STAT6: variants seen among roughly 807,000 people sequenced by gnomAD.
The protein encoded by STAT6 is signal transducer and activator of transcription 6.
In STAT6, 45 loss-of-function variants were observed where a neutral mutation model predicts 106.3. That is an observed-to-expected ratio of 0.42 (90% confidence interval 0.33 to 0.54). The LOEUF is 0.54. STAT6 is among the 20% of genes least tolerant of loss of function. The probability of loss-of-function intolerance (pLI) is 0.06; values close to 1 mark genes in which losing one functional copy is unlikely to be tolerated. For synonymous variants in STAT6, 413 were observed against 413.6 expected (o/e 1.00, Z 0.02); for missense variants, 797 against 1,062.2 (o/e 0.75, Z 3.47).
Position 57,104,734 on chromosome 12 carries a change from T to A in STAT6, c.1081A>T (p.Lys361Ter). 1 of 1,614,104 alleles carries A rather than the reference T, an allele frequency of 6.2e-7. No homozygotes were observed. The highest frequency in any genetic ancestry group is 8.5e-7 in the Non-Finnish European group (1 of 1,180,006). ...IPGNCCSALF[K>*]NLLLKKIKRC... Reference sequence around the variant, plus strand: ...ACCCCAAAGCCCCTCACCAGGTTCTTGAACAGGGCAGAGCAGCAGTTCCCA... The same window carrying A: ...ACCCCAAAGCCCCTCACCAGGTTCTAGAACAGGGCAGAGCAGCAGTTCCCA... Residue 361 changes from lysine (K) to a stop codon, truncating the protein, a stop_gained, in exon 10 of 22, where the codon AAG (lysine) becomes TAG (stop). Transcript: ENST00000300134. LOFTEE classifies it high-confidence loss of function.
Position 57,099,200 on chromosome 12 carries a change from A to G in STAT6, c.1891+94T>C. 2 of 1,599,416 alleles carry G rather than the reference A, an allele frequency of 1.3e-6. No individual in the cohort carries two copies. Among genetic ancestry groups the G allele is most frequent in the South Asian group, 1.1e-5 (1 of 90,670 alleles). Reference sequence around the variant, plus strand: ...GCACAGCTATGAAATAGGGAGTGACATCAGGATGACACGCGGGCAGGGAGA... The same window carrying G: ...GCACAGCTATGAAATAGGGAGTGACGTCAGGATGACACGCGGGCAGGGAGA... On this transcript the variant is annotated intron_variant, in intron 16 of 21. Coordinates refer to ENST00000300134, the MANE Select transcript of STAT6 (RefSeq NM_003153.5). This position sits in a 1 kb window ranked among gnomAD's most constrained non-coding sequence, Gnocchi z 4.7.
At chr12:57,102,212 C>T (rs1408534036) in intron 13 of STAT6, 78 bp downstream of exon 13, 2 of 1,485,364 alleles carry the variant, frequency 1.3e-6, no homozygotes. Context: ...AAGGTCCCTG[C>T]ATGGAGGCTG....
Position 57,106,715 on chromosome 12 carries a change from C to T in STAT6, c.456G>A (p.Gln152=). 6.2e-7 allele frequency: 1 copy of T among 1,614,208 alleles called. No individual in the cohort carries two copies. Among genetic ancestry groups the T allele is most frequent in the Non-Finnish European group, 8.5e-7 (1 of 1,180,038 alleles). ...GEIHLLREAL[Q]KGAEAGQVSL... ...CACCTTGGCCAGCCTCAGCCCCCTTCTGCAGGGCTTCTCGGAGAAGGTGGA... is the reference window on the plus strand; with the variant it reads ...CACCTTGGCCAGCCTCAGCCCCCTTTTGCAGGGCTTCTCGGAGAAGGTGGA... The change falls in exon 5 of 22, where the codon CAG becomes CAA. Residue 152 remains glutamine, a synonymous_variant. Coordinates refer to ENST00000300134, the MANE Select transcript of STAT6 (RefSeq NM_003153.5).
Position 57,104,787 on chromosome 12 carries a change from T to C in STAT6, c.1028A>G (p.Asn343Ser). The change falls in exon 10 of 22, where the codon AAC becomes AGC. Residue 343 changes from asparagine to serine, a missense_variant. Physicochemically the swap from Asn to Ser is conservative, Grantham distance 46 (BLOSUM62 1). This residue lies in a region of STAT6 where 336 missense variants were observed against 429.8 expected (regional missense o/e 0.78). Coordinates refer to ENST00000300134, the MANE Select transcript of STAT6 (RefSeq NM_003153.5). ...AATGCTGTTCTCCAAGGGCACAGTGTTGTTGATGATTTCTCCAGTGCTTTC... is the reference window on the plus strand; with the variant it reads ...AATGCTGTTCTCCAAGGGCACAGTGCTGTTGATGATTTCTCCAGTGCTTTC... ...GAESTGEIIN[N>S]TVPLENSIPG... The C allele has an allele frequency of 6.2e-7, 1 of 1,614,086 alleles. No homozygotes were observed. Among genetic ancestry groups the C allele is most frequent in the East Asian group, 2.2e-5 (1 of 44,878 alleles).
intron 13 of STAT6, 62 bp from the exon 14 acceptor site, chr12:57,100,152 C>T (rs2033730241): frequency 6.9e-7 from 1 of 1,446,620 alleles, no homozygotes; most frequent in African/African-American, 1.4e-5. Context: ...CTGTTTAGGG[C>T]AGGCAGTGAG....
At chr12:57,107,503 C>G in intron 3 of STAT6, 102 bp downstream of exon 3, 1 of 1,464,854 alleles carries the variant, frequency 6.8e-7, no homozygotes, top group South Asian at 1.3e-5. Flanking sequence ...ACAGGAACAC[C>G]AATTTGCTTC....
chr12:57,108,377 C>A, intron 1 of STAT6, 78 bp from the exon 2 acceptor site: 1 of 746,894 alleles, frequency 1.3e-6, no homozygotes, highest in Non-Finnish European at 2.3e-6. Context: ...AGGGACCTCC[C>A]ATAGATAGCC....
At chr12:57,100,728 AAGAAAGAAAGAAAGAAAG>A in intron 13 of STAT6, 2 of 237,846 alleles carry the variant, frequency 8.4e-6, no homozygotes, top group Non-Finnish European at 1.8e-5. Flanking sequence ...GAAAGAAAGA[AAGAAAGAAAGAAAGAAAG>A]AAAAGAAAAA....
rs912022232 is a variant in STAT6 at position 57,099,541 on chromosome 12, G to C, written c.1745-101C>G. 2.6e-6 allele frequency: 4 copies of C among 1,538,388 alleles called. No homozygotes were observed. The highest frequency in any genetic ancestry group is 3.6e-6 in the Non-Finnish European group (4 of 1,125,748). Reference sequence around the variant, plus strand: ...GTTCTCACTCCACCAAGGCAAGGGAGAGAGGACCTAGGGTGGGGCTCCTGA... The same window carrying C: ...GTTCTCACTCCACCAAGGCAAGGGACAGAGGACCTAGGGTGGGGCTCCTGA... On this transcript the variant is annotated intron_variant, in intron 15 of 21. Coordinates refer to ENST00000300134, the MANE Select transcript of STAT6 (RefSeq NM_003153.5). This position sits in a 1 kb window ranked among gnomAD's most constrained non-coding sequence, Gnocchi z 4.7.
In STAT6 at chr12:57,102,939, AG is replaced by A. The variant is rs761414120; in HGVS notation, c.1213-19del. On this transcript the variant is annotated intron_variant, in intron 11 of 21. Transcript: ENST00000300134. ...GACAGGGCCTGAAGAGGGTGAGGAC[AG>A]GGGTTTCTTTTCTTTCTTTCTTTCC... is the stretch of plus-strand genomic sequence containing the variant. 70 of 1,292,928 alleles carry A rather than the reference AG, an allele frequency of 5.4e-5. No individual in the cohort carries two copies. The highest frequency in any genetic ancestry group is 6.9e-5 in the Non-Finnish European group (66 of 958,634). The allele number at this position is 1,292,928 out of a possible 1,614,324, so 80.1% of individuals were successfully genotyped here.
intron 1 of STAT6, among the ~76,000 whole-genome samples, chr12:57,108,519 AGAGGGATGGG>A (rs1039832372): frequency 6.7e-6 from 1 of 148,380 alleles, no homozygotes; most frequent in African/African-American, 2.5e-5. Flanking sequence ...AGCTGTAGCC[AGAGGGATGGG>A]GAGGCAAAGG....
intron 13 of STAT6, among the ~76,000 whole-genome samples, chr12:57,100,626 GAGAA>G (rs1429152072): frequency 7.7e-6 from 1 of 130,212 alleles, no homozygotes; most frequent in East Asian, 2.4e-4. Flanking sequence ...AAGAAAAAGA[GAGAA>G]AGAGAAAGAG....
chr12:57,106,229 G>A lies in STAT6; in HGVS notation c.642C>T (p.Gly214=), dbSNP rs367810399. The change falls in exon 7 of 22, where the codon GGC becomes GGT. Residue 214 remains glycine, a synonymous_variant. Transcript: ENST00000300134. The part of the protein sequence containing the change: ...WKRQQQLAGN[G]APFEESLAPL... The stretch of plus-strand genomic sequence containing the variant: ...GGGCCAGGCTCTCCTCAAACGGTGC[G>A]CCATTCCCTGCCAGCTGCTGCTGCC... 7 of 1,614,112 alleles carry A rather than the reference G, an allele frequency of 4.3e-6. No homozygotes were observed. The highest frequency in any genetic ancestry group is 2.7e-5 in the African/African-American group (2 of 75,024).
In STAT6 at chr12:57,096,485, T is replaced by C. The variant is rs1373042390; in HGVS notation, c.*87A>G. 5.2e-6 allele frequency: 7 copies of C among 1,342,830 alleles called. No individual in the cohort carries two copies. The highest frequency in any genetic ancestry group is 7.1e-6 in the Non-Finnish European group (7 of 984,654). 83.2% of individuals were successfully genotyped at this position (1,342,830 alleles called of 1,614,324 possible). Reference sequence around the variant, plus strand: ...ATAGGAGGGCACCCTCCCCATCTGCTGCTTGGCAGGGCATGAGCAAGTGTC... The same window carrying C: ...ATAGGAGGGCACCCTCCCCATCTGCCGCTTGGCAGGGCATGAGCAAGTGTC... On this transcript the variant is annotated 3_prime_UTR_variant, in exon 22 of 22. Transcript: ENST00000300134.
rs766874294 is a variant in STAT6 at position 57,102,457 on chromosome 12, C to T, written c.1345G>A (p.Glu449Lys). The T allele has an allele frequency of 6.2e-7, 1 of 1,613,916 alleles. No individual in the cohort carries two copies. Among genetic ancestry groups the T allele is most frequent in the Non-Finnish European group, 8.5e-7 (1 of 1,180,010 alleles). The change falls in exon 13 of 22, where the codon GAG becomes AAG. Residue 449 changes from glutamate (E) to lysine (K), a missense_variant. By Grantham distance (56) the Glu-to-Lys change is moderately conservative. Coordinates refer to ENST00000300134, the MANE Select transcript of STAT6 (RefSeq NM_003153.5). ...PFVVAERVPW[E>K]KMCETLNLKF... is the part of the protein sequence containing the mutation. ...AGGTTCAGAGTTTCACACATCTTCT[C>T]CCAGGGCACCCGCTCAGCCACCACA...
intron 4 of STAT6, 111 bp downstream of exon 4, chr12:57,107,120 G>A (rs910569106): frequency 4.9e-6 from 6 of 1,234,572 alleles, no homozygotes; most frequent in Non-Finnish European, 7.1e-6. Flanking sequence ...GGTCATTCCT[G>A]GGCCTAGAAC....
chr12:57,105,930 C>T (rs2034245389), intron 7 of STAT6: 1 of 641,728 alleles, frequency 1.6e-6, no homozygotes, highest in African/African-American at 1.8e-5. Flanking sequence ...ATGGAAAAGC[C>T]CTCCTATTCC....
Position 57,099,244 on chromosome 12 carries a change from G to A in STAT6, c.1891+50C>T. On this transcript the variant is annotated intron_variant, in intron 16 of 21. Coordinates refer to ENST00000300134, the MANE Select transcript of STAT6 (RefSeq NM_003153.5). This position sits in a 1 kb window ranked among gnomAD's most constrained non-coding sequence, Gnocchi z 4.7. Reference sequence around the variant, plus strand: ...AGGGAGAGGAGGGCAGCGGGGAGCAGGGAGGAAGTGGGTGACAGGAAGGAA... The same window carrying A: ...AGGGAGAGGAGGGCAGCGGGGAGCAAGGAGGAAGTGGGTGACAGGAAGGAA... 1 of 1,612,238 alleles carries A rather than the reference G, an allele frequency of 6.2e-7. No homozygotes were observed. The highest frequency in any genetic ancestry group is 8.5e-7 in the Non-Finnish European group (1 of 1,178,562).
At chr12:57,101,386 CTTT>C (rs60908631) in intron 13 of STAT6, among the ~76,000 whole-genome samples, 22 of 120,766 alleles carry the variant, frequency 1.8e-4, no homozygotes, top group Admixed American at 1.7e-4. Flanking sequence ...CACACCTAGC[CTTT>C]TTTTTTTTTT....
Sources: gnomAD v4.1 joint callset for allele counts (sites outside exome capture counted in the v4.1 genomes callset) on GRCh38, gnomAD v4.1.1 for gene constraint, gnomAD v4.1.1 regional missense constraint, Gnocchi (gnomAD v3.1) non-coding constraint, MANE v1.5 for transcripts, NCBI Gene and HGNC (gene_info 2026-07-23, HGNC 2026-07-21) for gene names.